MGAT5B: variants seen among roughly 807,000 people sequenced by gnomAD.
MGAT5B encodes N-acetylglucosaminyl-transferase Vb.
Under a neutral mutation model 95.1 loss-of-function variants are expected in MGAT5B, and 54 were observed. That is an observed-to-expected ratio of 0.57 (90% confidence interval 0.46 to 0.71). The LOEUF is 0.71. Among genes scored for constraint, MGAT5B ranks in the 30% least tolerant of loss-of-function variants. The probability of loss-of-function intolerance (pLI) is 0.00; values close to 1 mark genes in which losing one functional copy is unlikely to be tolerated. For missense variants in MGAT5B, 935 were observed against 1,088.6 expected, an observed-to-expected ratio of 0.86 and a Z score of 1.99; for synonymous variants, 464 against 451.0, an observed-to-expected ratio of 1.03 and a Z score of -0.36.
At chr17:76,902,181 T>G (rs1015525417) in intron 3 of MGAT5B, among the ~76,000 whole-genome samples, 4 of 152,152 alleles carry the variant, frequency 2.6e-5, no homozygotes, top group Non-Finnish European at 4.4e-5. Context: ...TGTGGCCACA[T>G]GAAGACATGT....
At chr17:76,923,982 T>C (rs1448330037) in intron 8 of MGAT5B, 1 of 152,060 alleles carries the variant, frequency 6.6e-6, no homozygotes, top group Non-Finnish European at 1.5e-5. Context: ...CTTAACTGAA[T>C]GAATAAGTGA....
rs1010885485 is a variant in MGAT5B at position 76,912,775 on chromosome 17, G to A, written c.1025+6588G>A. On this transcript the variant is annotated intron_variant, in intron 8 of 17. Transcript: ENST00000569840. The surrounding 1 kb of genome is among the most constrained non-coding windows in gnomAD (Gnocchi z 5.0). ...CGCTCTGTGATGAGACTGCAGCAAG[G>A]TGATGTCAGCCAGTCCCCGCCCGCG... 1.3e-5 allele frequency among the ~76,000 whole-genome samples: 2 copies of A among 152,200 alleles called. No homozygotes were observed. Among genetic ancestry groups the A allele is most frequent in the African/African-American group, 4.8e-5 (2 of 41,454 alleles).
chr17:76,900,962 CGCCTGTGTGCAT>C (rs564563840), intron 3 of MGAT5B, among the ~76,000 whole-genome samples: 21,103 of 151,634 alleles, frequency 0.14, 1,939 homozygotes, highest in African/African-American at 0.24. Context: ...TGCGTGTGCA[CGCCTGTGTGCAT>C]GTGTGTGTGC....
chr17:76,907,468 G>A (rs141235432), intron 8 of MGAT5B, among the ~76,000 whole-genome samples: 80 of 151,944 alleles, frequency 5.3e-4, no homozygotes, highest in African/African-American at 1.8e-3. Flanking sequence ...ACTCTATGTG[G>A]TCTCCTAACT....
intron 3 of MGAT5B, among the ~76,000 whole-genome samples, chr17:76,892,624 A>T (rs960330868): frequency 1.3e-5 from 2 of 152,270 alleles, no homozygotes; most frequent in Non-Finnish European, 2.9e-5. Flanking sequence ...CTGTGAAAGG[A>T]TATGGATGAA....
intron 8 of MGAT5B, among the ~76,000 whole-genome samples, chr17:76,921,729 T>A (rs1395438273): frequency 6.6e-6 from 1 of 152,118 alleles, no homozygotes; most frequent in Non-Finnish European, 1.5e-5. Flanking sequence ...TCAGAGGCAG[T>A]GGGAAGCCTC....
intron 8 of MGAT5B, among the ~76,000 whole-genome samples, chr17:76,922,146 C>G (rs1019689388): frequency 6.6e-6 from 1 of 152,146 alleles, no homozygotes; most frequent in African/African-American, 2.4e-5. Context: ...CAAAAGGAAG[C>G]TCCCAGGACA....
chr17:76,905,991 C>A lies in MGAT5B; in HGVS notation c.856-27C>A. ...GGCTCAGAGCTGCTGCTCCTCTCTG[C>A]TGACCCTCTGTGTTCCGCCCACCCA... On this transcript the variant is annotated intron_variant, in intron 7 of 17. Coordinates refer to ENST00000569840, the MANE Select transcript of MGAT5B (RefSeq NM_001199172.2). This position sits in a 1 kb window ranked among gnomAD's most constrained non-coding sequence, Gnocchi z 4.2. 1 of 1,575,826 alleles carries A rather than the reference C, an allele frequency of 6.3e-7. No individual in the cohort carries two copies.
chr17:76,869,894 G>T lies in MGAT5B; in HGVS notation c.68+797G>T, dbSNP rs1322836572. Among the ~76,000 whole-genome samples, 1 of 152,122 alleles carries T rather than the reference G, an allele frequency of 6.6e-6. No homozygotes were observed. The highest frequency in any genetic ancestry group is 1.5e-5 in the Non-Finnish European group (1 of 67,982). On this transcript the variant is annotated intron_variant, in intron 1 of 17. Transcript: ENST00000569840. The surrounding 1 kb of genome is among the most constrained non-coding windows in gnomAD (Gnocchi z 7.0). ...GGGGCCCCCAGGGCCCAGCGGTGCC[G>T]GGGCAGCCCCCTCTCCTCCCAGGCA...
intron 3 of MGAT5B, 66 bp downstream of exon 3, chr17:76,882,364 G>T (rs1026638371): frequency 2.0e-6 from 3 of 1,519,286 alleles, no homozygotes; most frequent in South Asian, 1.3e-5. Flanking sequence ...TCCATCCGGG[G>T]TGCTGTCCGT....
At chr17:76,937,003 T>C (rs981378247) in intron 12 of MGAT5B, among the ~76,000 whole-genome samples, 1 of 123,920 alleles carries the variant, frequency 8.1e-6, no homozygotes, top group South Asian at 2.8e-4. Context: ...GGGATTTCAA[T>C]GTTTTTTTTT....
rs191294371 is a variant in MGAT5B at position 76,905,264 on chromosome 17, A to G, written c.786A>G (p.Thr262=). Residue 262 remains threonine, a synonymous_variant, in exon 7 of 18, where the codon ACA becomes ACG. Coordinates refer to ENST00000569840, the MANE Select transcript of MGAT5B (RefSeq NM_001199172.2). The surrounding 1 kb of genome is among the most constrained non-coding windows in gnomAD (Gnocchi z 4.2). ...TGAAGAAGCGGACCAAGAGGCTCAC[A>G]GCCCAGTGGGCGCTGGCTGCCCAGC... ...IFMKKRTKRL[T]AQWALAAQRL... 2 of 1,612,314 alleles carry G rather than the reference A, an allele frequency of 1.2e-6. No homozygotes were observed. The highest frequency in any genetic ancestry group is 1.3e-5 in the African/African-American group (1 of 75,060).
intron 10 of MGAT5B, among the ~76,000 whole-genome samples, 182 bp from the exon 11 acceptor site, chr17:76,932,463 C>T (rs552736731): frequency 1.3e-5 from 2 of 152,190 alleles, no homozygotes; most frequent in South Asian, 4.1e-4. Flanking sequence ...ATCTTTGTAG[C>T]AGTCTCCGGG....
intron 2 of MGAT5B, among the ~76,000 whole-genome samples, chr17:76,876,610 AAAG>A (rs1016271536): frequency 6.6e-6 from 1 of 152,152 alleles, no homozygotes; most frequent in Non-Finnish European, 1.5e-5. Context: ...CTTTTCTCGA[AAAG>A]AAGAGGAGGG....
intron 3 of MGAT5B, among the ~76,000 whole-genome samples, chr17:76,895,525 A>C (rs1968034890): frequency 6.6e-6 from 1 of 152,174 alleles, no homozygotes; most frequent in Admixed American, 6.5e-5. Context: ...GTCTGAGATC[A>C]AGACGTCAGC....
At chr17:76,937,862 G>T (rs1969727835) in intron 12 of MGAT5B, 126 bp from the exon 13 acceptor site, 1 of 1,140,038 alleles carries the variant, frequency 8.8e-7, no homozygotes, top group African/African-American at 1.5e-5. Context: ...GTGTCCCACA[G>T]CCAGTTAATG....
chr17:76,928,352 C>T (rs1054952756), intron 10 of MGAT5B, among the ~76,000 whole-genome samples: 3 of 151,982 alleles, frequency 2.0e-5, no homozygotes, highest in Non-Finnish European at 4.4e-5. Context: ...GATGGTGCTC[C>T]GGGCTGTGGA....
At chr17:76,913,092 AGAAT>A (rs1968802202) in intron 8 of MGAT5B, among the ~76,000 whole-genome samples, 1 of 152,176 alleles carries the variant, frequency 6.6e-6, no homozygotes, top group Non-Finnish European at 1.5e-5. Context: ...GCTTGAGAGG[AGAAT>A]GTTTAAGTAA....
chr17:76,881,222 A>C (rs1242797474), intron 2 of MGAT5B, among the ~76,000 whole-genome samples: 2 of 152,194 alleles, frequency 1.3e-5, no homozygotes, highest in African/African-American at 4.8e-5. Context: ...GAAGCCGTGG[A>C]GGACTGCAGG....
Sources: allele counts gnomAD v4.1 joint callset (sites outside exome capture counted in the v4.1 genomes callset), GRCh38; gene constraint gnomAD v4.1.1; non-coding constraint Gnocchi (gnomAD v3.1); transcripts MANE v1.5; gene names NCBI Gene and HGNC (gene_info 2026-07-23, HGNC 2026-07-21).